Variants in TTC23 observed in about 807,000 individuals in gnomAD.
TTC23 encodes tetratricopeptide repeat domain 23.
In TTC23, 58 loss-of-function variants were observed where a neutral mutation model predicts 55.1. The ratio of observed to expected loss-of-function variants is 1.05; its 90% CI spans 0.85 to 1.31. The LOEUF (loss-of-function observed/expected upper bound fraction) is 1.31, where lower values mean the gene tolerates loss of function less well. TTC23 is among the 50% of genes most tolerant of loss of function. TTC23 has a pLI of 0.00. For missense variants in TTC23, 516 were observed against 534.4 expected, an observed-to-expected ratio of 0.97 and a Z score of 0.34; for synonymous variants, 203 against 199.9, an observed-to-expected ratio of 1.02 and a Z score of -0.13.
At chr15:99,222,388 C>T (rs1271746893) in intron 5 of TTC23, among the ~76,000 whole-genome samples, 1 of 152,160 alleles carries the variant, frequency 6.6e-6, no homozygotes, top group East Asian at 1.9e-4. Context: ...GCAATCCTCC[C>T]ACCTCAGCCT....
intron 10 of TTC23, among the ~76,000 whole-genome samples, chr15:99,168,196 T>C (rs1354776681): frequency 3.9e-5 from 6 of 152,176 alleles, no homozygotes; most frequent in Non-Finnish European, 7.4e-5. Flanking sequence ...ACTAGCTGTG[T>C]GATACAAGGA....
chr15:99,228,560 T>C lies in TTC23; in HGVS notation c.153A>G (p.Lys51=). The C allele has an allele frequency of 6.2e-7, 1 of 1,612,920 alleles. No homozygotes were observed. Among genetic ancestry groups the C allele is most frequent in the Non-Finnish European group, 8.5e-7 (1 of 1,179,492 alleles). Residue 51 remains lysine, a synonymous_variant, in exon 5 of 14, where the codon AAA becomes AAG. Coordinates refer to ENST00000394132, the MANE Select transcript of TTC23 (RefSeq NM_001288615.3). Reference sequence around the variant, plus strand: ...CATGACTGTTGGAATAGGACTTTGCTTTCTCTTCACAGAGGTGGAGTTTCT... The same window carrying C: ...CATGACTGTTGGAATAGGACTTTGCCTTCTCTTCACAGAGGTGGAGTTTCT... ...PREKLHLCEE[K]AKSYSNSHEY...
At position 99,166,940 on chromosome 15, in the gene TTC23, A is replaced by G. The variant is rs148714414; in HGVS notation, c.866-5073T>C. ...CACCTTCCCTGTCTATAGATTTCAA[A>G]CCACTTTTATCTTTATCTAGGATAC... On this transcript the variant is annotated intron_variant, in intron 10 of 13. Transcript: ENST00000394132. Among the ~76,000 whole-genome samples the G allele has an allele frequency of 2.3e-3, 343 of 152,162 alleles. 1 individual carries two copies. The highest frequency in any genetic ancestry group is 8.0e-3 in the African/African-American group (333 of 41,506).
chr15:99,152,928 G>C (rs144494008), intron 12 of TTC23, among the ~76,000 whole-genome samples: 1 of 152,186 alleles, frequency 6.6e-6, no homozygotes, highest in African/African-American at 2.4e-5. Context: ...CTCCTGAGTA[G>C]CTGGGATTAC....
At chr15:99,164,117 A>G (rs1017637643) in intron 10 of TTC23, among the ~76,000 whole-genome samples, 2 of 152,242 alleles carry the variant, frequency 1.3e-5, no homozygotes, top group Non-Finnish European at 2.9e-5. Flanking sequence ...GAACCAAGAA[A>G]CCAGCACAGA....
intron 12 of TTC23, among the ~76,000 whole-genome samples, chr15:99,149,631 G>A (rs1482289896): frequency 6.6e-6 from 1 of 152,234 alleles, no homozygotes; most frequent in Non-Finnish European, 1.5e-5. Flanking sequence ...CACACTTGGT[G>A]AGCCACTGGC....
chr15:99,197,947 C>T (rs1198817418), intron 9 of TTC23, among the ~76,000 whole-genome samples: 3 of 151,860 alleles, frequency 2.0e-5, no homozygotes, highest in Non-Finnish European at 4.4e-5. Flanking sequence ...GGACAGAGGA[C>T]ACTACTTTCA....
At chr15:99,222,257 TTG>T (rs747224796) in intron 5 of TTC23, among the ~76,000 whole-genome samples, 3 of 151,860 alleles carry the variant, frequency 2.0e-5, no homozygotes, top group Admixed American at 1.3e-4. Flanking sequence ...ATAGTACACT[TTG>T]TGTGTGTGTG....
intron 10 of TTC23, among the ~76,000 whole-genome samples, chr15:99,164,859 T>C (rs576171731): frequency 1.3e-5 from 2 of 152,214 alleles, no homozygotes; most frequent in Non-Finnish European, 1.5e-5. Context: ...TAAAGTGTGC[T>C]GCTTCTTGGA....
intron 9 of TTC23, among the ~76,000 whole-genome samples, chr15:99,190,757 T>A (rs1459106659): frequency 2.6e-5 from 4 of 152,088 alleles, no homozygotes; most frequent in Non-Finnish European, 5.9e-5. Flanking sequence ...CCTTTGCTGA[T>A]TCCTACTTTT....
At chr15:99,208,032 G>A (rs773312964) in intron 8 of TTC23, among the ~76,000 whole-genome samples, 4 of 152,102 alleles carry the variant, frequency 2.6e-5, no homozygotes, top group Non-Finnish European at 5.9e-5. Context: ...AGTGTTTACA[G>A]TAGTAAAAAA....
chr15:99,171,002 C>G (rs1189702393), intron 10 of TTC23, among the ~76,000 whole-genome samples: 1 of 152,200 alleles, frequency 6.6e-6, no homozygotes, highest in Non-Finnish European at 1.5e-5. Context: ...GAGGGTTCTT[C>G]TTGCTTTTAT....
chr15:99,140,229 G>A (rs2068068873), intron 12 of TTC23: 2 of 153,546 alleles, frequency 1.3e-5, no homozygotes, highest in Admixed American at 6.4e-5. Context: ...CAATAAATGG[G>A]TACTGGGACC....
chr15:99,234,242 G>C (rs1243770455), intron 4 of TTC23, among the ~76,000 whole-genome samples: 1 of 152,030 alleles, frequency 6.6e-6, no homozygotes, highest in African/African-American at 2.4e-5. Flanking sequence ...ACTAGAGGCT[G>C]GGAGAAAATA....
intron 8 of TTC23, among the ~76,000 whole-genome samples, chr15:99,202,261 T>C (rs2076259194): frequency 6.6e-6 from 1 of 152,184 alleles, no homozygotes; most frequent in Non-Finnish European, 1.5e-5. Context: ...ACTCAGACAA[T>C]GCCAGGGATA....
intron 9 of TTC23, among the ~76,000 whole-genome samples, chr15:99,181,443 C>T (rs1052640908): frequency 4.5e-4 from 68 of 152,062 alleles, no homozygotes; most frequent in African/African-American, 1.4e-3. Flanking sequence ...GTTATGGTGT[C>T]GTCGACCGAG....
At chr15:99,177,825 G>GT (rs1474382105) in intron 9 of TTC23, among the ~76,000 whole-genome samples, 1 of 152,174 alleles carries the variant, frequency 6.6e-6, no homozygotes, top group South Asian at 2.1e-4. Flanking sequence ...ACTGTAAGTT[G>GT]TTTTTTTGCC....
chr15:99,213,179 T>G (rs1310701329), intron 8 of TTC23, among the ~76,000 whole-genome samples: 1 of 152,116 alleles, frequency 6.6e-6, no homozygotes, highest in Non-Finnish European at 1.5e-5. Flanking sequence ...TACATTTCAA[T>G]AAGGAAATGA....
intron 9 of TTC23, among the ~76,000 whole-genome samples, chr15:99,193,416 TAG>T: frequency 6.6e-6 from 1 of 152,226 alleles, no homozygotes; most frequent in African/African-American, 2.4e-5. Flanking sequence ...GTTCTTGTGA[TAG>T]TGAGTAAGTC....
Sources: gnomAD v4.1 joint callset for allele counts (sites outside exome capture counted in the v4.1 genomes callset) on GRCh38, gnomAD v4.1.1 for gene constraint, MANE v1.5 for transcripts, NCBI Gene and HGNC (gene_info 2026-07-23, HGNC 2026-07-21) for gene names.